IQGAP3: variants seen among roughly 807,000 people sequenced by gnomAD.
IQGAP3 encodes the protein ras GTPase-activating-like protein IQGAP3.
In IQGAP3, 165 loss-of-function variants were observed where a neutral mutation model predicts 208.2. That is an observed-to-expected ratio of 0.79 (90% CI 0.70 to 0.90). IQGAP3 has a LOEUF of 0.90. Among genes scored for constraint, IQGAP3 ranks in the 40% least tolerant of loss-of-function variants. IQGAP3 has a pLI of 0.00. For missense variants in IQGAP3, 1,811 were observed against 2,043.1 expected (o/e 0.89, Z 2.19); for synonymous variants, 703 against 803.6 (o/e 0.87, Z 2.12).
chr1:156,565,386 TC>T (rs1466090604), intron 4 of IQGAP3, among the ~76,000 whole-genome samples: 5 of 152,202 alleles, frequency 3.3e-5, no homozygotes, highest in Admixed American at 6.5e-5. Flanking sequence ...TGCTTCTGCC[TC>T]CCATCGAAGT....
chr1:156,548,539 T>C, intron 17 of IQGAP3, 42 bp downstream of exon 17: 1 of 1,600,034 alleles, frequency 6.2e-7, no homozygotes, highest in Non-Finnish European at 8.5e-7. Context: ...AAGGGGTGGC[T>C]GGGGCAGGCA....
chr1:156,547,937 C>T, intron 19 of IQGAP3, 136 bp downstream of exon 19: 3 of 793,474 alleles, frequency 3.8e-6, no homozygotes, highest in Non-Finnish European at 5.9e-6. Flanking sequence ...GGTCTGGCTC[C>T]AGAACCTATG....
chr1:156,566,314 ACT>A, intron 3 of IQGAP3, 74 bp downstream of exon 3: 25 of 1,451,898 alleles, frequency 1.7e-5, no homozygotes, highest in Non-Finnish European at 2.3e-5. Context: ...TTATATGGTC[ACT>A]CTACCCTCAC....
intron 28 of IQGAP3, 84 bp downstream of exon 28, chr1:156,535,079 G>T: frequency 4.9e-6 from 5 of 1,011,812 alleles, no homozygotes; most frequent in South Asian, 2.6e-5. Context: ...AGGATTTTTT[G>T]TGTTTTTGTC....
At chr1:156,551,895 G>C (rs1226017096) in intron 14 of IQGAP3, 27 bp from the exon 15 acceptor site, 1 of 1,596,740 alleles carries the variant, frequency 6.3e-7, no homozygotes, top group Non-Finnish European at 8.6e-7. Flanking sequence ...TAGGTGGGCA[G>C]GGGGCCCCTA....
At chr1:156,532,782 G>C (rs1359907313) in intron 32 of IQGAP3, among the ~76,000 whole-genome samples, 198 bp downstream of exon 32, 1 of 152,130 alleles carries the variant, frequency 6.6e-6, no homozygotes, top group Admixed American at 6.5e-5. Context: ...GTACAACACA[G>C]AGCAAAAAGC....
In IQGAP3 at chr1:156,560,978, G is replaced by A; in HGVS notation, c.1085C>T (p.Ala362Val). 6.2e-7 allele frequency: 1 copy of A among 1,613,902 alleles called. No homozygotes were observed. Among genetic ancestry groups the A allele is most frequent in the Non-Finnish European group, 8.5e-7 (1 of 1,179,904 alleles). ...CTTTGTGTTGGCTGCAGCCACACCA[G>A]CCTGGACTTCCTCCTTTTCCAGAAG... Reference protein sequence around the residue: ...VELLEKEEVQAGVAAANTKGD... With the variant: ...VELLEKEEVQVGVAAANTKGD... The change falls in exon 11 of 38, where the codon GCT becomes GTT. Residue 362 changes from alanine (A) to valine (V), a missense_variant. Ala to Val is a moderately conservative substitution (Grantham distance 64). Coordinates refer to ENST00000361170, the MANE Select transcript of IQGAP3 (RefSeq NM_178229.5).
At chr1:156,539,131 G>C (rs1674855557) in intron 25 of IQGAP3, 98 bp from the exon 26 acceptor site, 2 of 1,046,968 alleles carry the variant, frequency 1.9e-6, no homozygotes, top group East Asian at 5.2e-5. Flanking sequence ...AGCCTGCCCT[G>C]GTGTCCCCGC....
intron 2 of IQGAP3, 129 bp from the exon 3 acceptor site, chr1:156,566,675 A>C: frequency 2.3e-6 from 2 of 851,196 alleles, no homozygotes; most frequent in Non-Finnish European, 3.7e-6. Flanking sequence ...TTCCTGCTCT[A>C]CCTCCAACTC....
intron 23 of IQGAP3, among the ~76,000 whole-genome samples, chr1:156,540,219 T>C (rs114465101): frequency 5.9e-5 from 9 of 152,132 alleles, no homozygotes; most frequent in African/African-American, 2.2e-4. Context: ...AGAGAACTGG[T>C]TTGCCAGGCT....
Position 156,563,273 on chromosome 1 carries a change from C to T in IQGAP3, c.659G>A (p.Arg220Gln), listed in dbSNP as rs745370527. 4.4e-5 allele frequency: 71 copies of T among 1,608,984 alleles called. No individual in the cohort carries two copies. In the Middle Eastern group the frequency reaches 5.0e-4, roughly 11 times the overall value. The change falls in exon 8 of 38, where the codon CGA becomes CAA. Residue 220 changes from arginine to glutamine, a missense_variant. Coordinates refer to ENST00000361170, the MANE Select transcript of IQGAP3 (RefSeq NM_178229.5). ...AGCCAGGGTGTCCTCCACCACCCCT[C>T]GCTCCACTGCTTCATTGATGGCAAG... is the stretch of plus-strand genomic sequence containing the variant. ...AVLAINEAVE[R>Q]GVVEDTLAAL...
At chr1:156,562,489 T>C (rs971010776) in intron 9 of IQGAP3, 98 bp downstream of exon 9, 20 of 974,352 alleles carry the variant, frequency 2.1e-5, no homozygotes, top group Admixed American at 5.2e-5. Flanking sequence ...AATGAGACCA[T>C]AGGGCTTTCT....
intron 5 of IQGAP3, 117 bp from the exon 6 acceptor site, chr1:156,563,941 T>C (rs1351277155): frequency 5.5e-6 from 4 of 725,170 alleles, no homozygotes; most frequent in African/African-American, 5.3e-5. Context: ...ACTCAGCACC[T>C]GCCCTCAAGT....
At chr1:156,563,967 TAAAG>T in intron 5 of IQGAP3, 143 bp from the exon 6 acceptor site, 2 of 643,080 alleles carry the variant, frequency 3.1e-6, no homozygotes, top group Non-Finnish European at 5.5e-6. Flanking sequence ...CCAACCCACA[TAAAG>T]AAATATGACC....
chr1:156,537,609 C>A (rs777231890), intron 26 of IQGAP3, among the ~76,000 whole-genome samples: 21 of 152,224 alleles, frequency 1.4e-4, no homozygotes, highest in Admixed American at 4.6e-4. Context: ...GACAAGCAGG[C>A]GGCTGCGCTG....
chr1:156,529,329 G>T (rs114511144), intron 34 of IQGAP3, among the ~76,000 whole-genome samples: 1 of 152,172 alleles, frequency 6.6e-6, no homozygotes, highest in Non-Finnish European at 1.5e-5. Context: ...AAGTTGCAAG[G>T]ATACTTTTGT....
At chr1:156,570,962 A>C (rs7512057) in intron 1 of IQGAP3, among the ~76,000 whole-genome samples, 1 of 152,268 alleles carries the variant, frequency 6.6e-6, no homozygotes, top group East Asian at 1.9e-4. Context: ...GAACACAGGG[A>C]AAGGCAGTCC....
intron 1 of IQGAP3, among the ~76,000 whole-genome samples, chr1:156,570,398 T>G (rs984697212): frequency 1.6e-4 from 25 of 152,034 alleles, no homozygotes; most frequent in Non-Finnish European, 2.4e-4. Flanking sequence ...CAAATTAGCC[T>G]GGTGTGATGG....
chr1:156,527,017 G>C (rs949975137), intron 37 of IQGAP3, among the ~76,000 whole-genome samples: 61 of 151,504 alleles, frequency 4.0e-4, no homozygotes, highest in African/African-American at 1.4e-3. Flanking sequence ...ATTTTTAGTA[G>C]AGACAGGGTT....
Sources: gnomAD v4.1 joint callset for allele counts (sites outside exome capture counted in the v4.1 genomes callset) on GRCh38, gnomAD v4.1.1 for gene constraint, MANE v1.5 for transcripts, NCBI Gene and HGNC (gene_info 2026-07-23, HGNC 2026-07-21) for gene names.